Variants in HNRNPD observed in about 807,000 individuals in gnomAD.
HNRNPD encodes heterogeneous nuclear ribonucleoprotein D.
Under a neutral mutation model 47.9 loss-of-function variants are expected in HNRNPD, and 3 were observed. The ratio of observed to expected loss-of-function variants is 0.06; its 90% CI spans 0.03 to 0.16. HNRNPD has a LOEUF of 0.16. Among genes scored for constraint, HNRNPD ranks in the 10% least tolerant of loss-of-function variants. The pLI is 1.00. For missense variants in HNRNPD, 287 were observed against 454.2 expected, an observed-to-expected ratio of 0.63 and a Z score of 3.35; for synonymous variants, 171 against 165.1, an observed-to-expected ratio of 1.04 and a Z score of -0.28.
At position 82,353,339 on chromosome 4, in the gene HNRNPD, AT is replaced by A. The variant is rs1462437495; in HGVS notation, c.*845del. On this transcript the variant is annotated 3_prime_UTR_variant, in exon 9 of 9. Transcript: ENST00000313899. Reference sequence around the variant, plus strand: ...AAGCACACACACATAAACACGGTATATATTTCTTTAATCCTCCCTCAACACT... The same window carrying A: ...AAGCACACACACATAAACACGGTATAATTTCTTTAATCCTCCCTCAACACT... The A allele has an allele frequency of 3.3e-5, 5 of 152,188 alleles. No homozygotes were observed. Among genetic ancestry groups the A allele is most frequent in the African/African-American group, 9.6e-5 (4 of 41,456 alleles). 9.4% of individuals were successfully genotyped at this position (152,188 alleles called of 1,614,324 possible).
intron 4 of HNRNPD, chr4:82,358,385 CTCT>C (rs1439672531): frequency 6.5e-6 from 2 of 307,964 alleles, no homozygotes; most frequent in Non-Finnish European, 5.9e-6. Flanking sequence ...AGATTTCTTC[CTCT>C]TAATTGTCTG....
chr4:82,357,504 C>T, intron 4 of HNRNPD, 60 bp from the exon 5 acceptor site: 1 of 1,461,456 alleles, frequency 6.8e-7, no homozygotes, highest in Non-Finnish European at 9.2e-7. Flanking sequence ...TTAAAAGAAA[C>T]ACAAGTTTAG....
chr4:82,363,032 A>ATGTGTGTGTG (rs71666730), intron 2 of HNRNPD, among the ~76,000 whole-genome samples: 2,093 of 148,980 alleles, frequency 0.014, 15 homozygotes, highest in Non-Finnish European at 0.023. Flanking sequence ...TTATATATAT[A>ATGTGTGTGTG]TGTGTGTGTG....
chr4:82,357,036 C>G (rs918366216), intron 5 of HNRNPD, 141 bp from the exon 6 acceptor site: 1 of 769,892 alleles, frequency 1.3e-6, no homozygotes, highest in Non-Finnish European at 2.2e-6. Context: ...TTAATTAAAC[C>G]AATATTTAGT....
In HNRNPD at chr4:82,373,610, C is replaced by G. The variant is rs998381115; in HGVS notation, c.69G>C (p.Ala23=). ...AAATAAVGGS[A]GEQEGAMVAA... is the part of the protein sequence containing the mutation. The stretch of plus-strand genomic sequence containing the variant: ...CCACCATGGCTCCCTCCTGCTCGCC[C>G]GCCGAGCCGCCTACCGCCGCCGTTG... Residue 23 remains alanine (A), a synonymous_variant, in exon 1 of 9, where the codon GCG becomes GCC. Coordinates refer to ENST00000313899, the MANE Select transcript of HNRNPD (RefSeq NM_031370.3). 6.5e-7 allele frequency: 1 copy of G among 1,528,612 alleles called. No individual in the cohort carries two copies. Among genetic ancestry groups the G allele is most frequent in the African/African-American group, 1.4e-5 (1 of 71,160 alleles). 94.7% of individuals were successfully genotyped at this position (1,528,612 alleles called of 1,614,324 possible).
At chr4:82,355,462 G>C in intron 7 of HNRNPD, 61 bp from the exon 8 acceptor site, 1 of 1,180,682 alleles carries the variant, frequency 8.5e-7, no homozygotes, top group East Asian at 2.4e-5. Flanking sequence ...AATCAGAACA[G>C]TACCTAATTT....
At chr4:82,365,771 ATTTTTTTT>A (rs80051188) in intron 2 of HNRNPD, among the ~76,000 whole-genome samples, 7 of 106,256 alleles carry the variant, frequency 6.6e-5, no homozygotes, top group African/African-American at 1.3e-4. Flanking sequence ...GGCCCAGCTA[ATTTTTTTT>A]TTTTTTTTTT....
chr4:82,356,028 A>C (rs1196259105), intron 7 of HNRNPD: 1 of 153,282 alleles, frequency 6.5e-6, no homozygotes, highest in Non-Finnish European at 1.5e-5. Context: ...TCAGGTGGAG[A>C]GCAACTACCT....
chr4:82,357,202 T>C (rs1474318005), intron 5 of HNRNPD, 111 bp downstream of exon 5: 3 of 1,242,490 alleles, frequency 2.4e-6, no homozygotes, highest in Non-Finnish European at 2.2e-6. Context: ...AAGTAACCAA[T>C]GAGAAGTTTT....
At chr4:82,355,145 G>A (rs1723661344) in intron 8 of HNRNPD, 159 bp downstream of exon 8, 2 of 604,494 alleles carry the variant, frequency 3.3e-6, no homozygotes, top group Non-Finnish European at 5.8e-6. Context: ...AAAAGCTTAA[G>A]AGCACCTGTG....
At chr4:82,360,096 A>C (rs574811182) in intron 2 of HNRNPD, among the ~76,000 whole-genome samples, 2 of 152,272 alleles carry the variant, frequency 1.3e-5, no homozygotes, top group South Asian at 2.1e-4. Context: ...CTCATTAACA[A>C]AACTCTTAGC....
intron 1 of HNRNPD, chr4:82,373,210 T>C (rs76559816): frequency 1.3e-5 from 9 of 701,786 alleles, no homozygotes; most frequent in South Asian, 4.5e-5. Context: ...AGGAGCAGCA[T>C]GGTGACGGCT....
Position 82,373,699 on chromosome 4 carries a change from TGCC to T in HNRNPD, c.-24_-22del. 7 of 1,492,242 alleles carry T rather than the reference TGCC, an allele frequency of 4.7e-6. No homozygotes were observed. Among genetic ancestry groups the T allele is most frequent in the Non-Finnish European group, 5.3e-6 (6 of 1,127,576 alleles). The allele number at this position is 1,492,242 out of a possible 1,614,324, so 92.4% of individuals were successfully genotyped here. A position where few individuals can be genotyped will look rare whatever the true frequency, so the allele number is the denominator to read the frequency against. On this transcript the variant is annotated 5_prime_UTR_variant, in exon 1 of 9. Coordinates refer to ENST00000313899, the MANE Select transcript of HNRNPD (RefSeq NM_031370.3). ...GACATAGTGCTAGTGTCTCCGCCGC[TGCC>T]GCCGAGACTACACCCGCCGCTGCCG...
At position 82,373,830 on chromosome 4, in the gene HNRNPD, T is replaced by A; in HGVS notation, c.-152A>T. On this transcript the variant is annotated 5_prime_UTR_variant, in exon 1 of 9. Coordinates refer to ENST00000313899, the MANE Select transcript of HNRNPD (RefSeq NM_031370.3). ...AAGGCGCGCGCGTGGCTGCAAAGGC[T>A]CCTGCGCCTCTCCCTGGCCTGCCCC... The A allele has an allele frequency of 6.8e-7, 1 of 1,467,456 alleles. No homozygotes were observed. The highest frequency in any genetic ancestry group is 1.3e-5 in the South Asian group (1 of 77,000). The allele number at this position is 1,467,456 out of a possible 1,614,324, so 90.9% of individuals were successfully genotyped here.
At chr4:82,359,946 GC>G (rs1365517107) in intron 2 of HNRNPD, among the ~76,000 whole-genome samples, 1 of 152,064 alleles carries the variant, frequency 6.6e-6, no homozygotes, top group Non-Finnish European at 1.5e-5. Flanking sequence ...AAAGTTAACA[GC>G]AAAAAAACCA....
intron 1 of HNRNPD, 50 bp from the exon 2 acceptor site, chr4:82,371,634 T>C: frequency 6.8e-7 from 1 of 1,468,734 alleles, no homozygotes; most frequent in Non-Finnish European, 9.5e-7. Flanking sequence ...CTAGTTTTAG[T>C]TTTTGACACT....
intron 8 of HNRNPD, 87 bp downstream of exon 8, chr4:82,355,215 ACT>A: frequency 1.3e-6 from 1 of 750,240 alleles, no homozygotes; most frequent in Non-Finnish European, 2.3e-6. Flanking sequence ...GTGCTGTGAA[ACT>A]CTTAAATTAA....
At chr4:82,370,605 T>C (rs1403457742) in intron 2 of HNRNPD, among the ~76,000 whole-genome samples, 1 of 152,154 alleles carries the variant, frequency 6.6e-6, no homozygotes, top group East Asian at 1.9e-4. Flanking sequence ...CTGGACTGAT[T>C]TCAGTGGATG....
At chr4:82,358,906 T>C in intron 3 of HNRNPD, 86 bp from the exon 4 acceptor site, 1 of 989,104 alleles carries the variant, frequency 1.0e-6, no homozygotes, top group East Asian at 2.6e-5. Context: ...TAACTATAAA[T>C]ACAGATAATG....
Sources: allele counts gnomAD v4.1 joint callset (sites outside exome capture counted in the v4.1 genomes callset), GRCh38; gene constraint gnomAD v4.1.1; transcripts MANE v1.5; gene names NCBI Gene and HGNC (gene_info 2026-07-23, HGNC 2026-07-21).